The following LINGO2 variants were observed in gnomAD, a reference collection of about 807,000 sequenced individuals.
LINGO2 encodes leucine-rich repeat and immunoglobulin-like domain-containing nogo receptor-interacting protein 2.
Under a neutral mutation model 30.6 loss-of-function variants are expected in LINGO2, and 14 were observed. The ratio of observed to expected loss-of-function variants is 0.46; its 90% CI spans 0.30 to 0.72. LINGO2 has a LOEUF of 0.72. Ranked by LOEUF, LINGO2 falls within the 30% of genes least tolerant of loss-of-function variation. The pLI, the probability that LINGO2 is intolerant of heterozygous loss-of-function variation, is 0.07. For missense variants in LINGO2, 729 were observed against 751.7 expected, an observed-to-expected ratio of 0.97 and a Z score of 0.35; for synonymous variants, 317 against 288.5, an observed-to-expected ratio of 1.10 and a Z score of -1.00.
chr9:28,809,512 G>A, the LINGO2 span, among the ~76,000 whole-genome samples: 2 of 152,136 alleles, frequency 1.3e-5, no homozygotes, highest in South Asian at 2.1e-4. Context: ...TTGGGAGGCC[G>A]AGGCAGACGG....
intron 4 of LINGO2, among the ~76,000 whole-genome samples, chr9:28,032,040 G>T (rs1161237127): frequency 7.2e-6 from 1 of 139,554 alleles, no homozygotes; most frequent in Admixed American, 6.9e-5. Flanking sequence ...AAAATGAGGG[G>T]TGGGGGGGGA....
chr9:28,311,785 G>A (rs541827519), intron 3 of LINGO2, among the ~76,000 whole-genome samples: 1 of 152,166 alleles, frequency 6.6e-6, no homozygotes, highest in South Asian at 2.1e-4. Flanking sequence ...AGGTCCTGAG[G>A]CAACATACAT....
At chr9:28,860,350 G>A in the LINGO2 span, among the ~76,000 whole-genome samples, 1 of 152,026 alleles carries the variant, frequency 6.6e-6, no homozygotes, top group African/African-American at 2.4e-5. Context: ...CCTCTATAAT[G>A]TGGGTAGGCC....
chr9:28,402,065 G>C (rs1822292263), intron 2 of LINGO2, among the ~76,000 whole-genome samples: 1 of 151,948 alleles, frequency 6.6e-6, no homozygotes, highest in Non-Finnish European at 1.5e-5. Flanking sequence ...TAGCTTTTTG[G>C]CATTTAAGTG....
chr9:28,375,315 G>A (rs1157283658), intron 2 of LINGO2, among the ~76,000 whole-genome samples: 1 of 152,208 alleles, frequency 6.6e-6, no homozygotes, highest in African/African-American at 2.4e-5. Flanking sequence ...CAGCCTGCTA[G>A]TCAGTAGTAA....
the LINGO2 span, among the ~76,000 whole-genome samples, chr9:28,839,879 G>T: frequency 6.6e-6 from 1 of 152,132 alleles, no homozygotes; most frequent in South Asian, 2.1e-4. Context: ...AATGCTGAGG[G>T]GTGCCTGCAG....
At chr9:28,603,672 G>T in intron 1 of LINGO2, among the ~76,000 whole-genome samples, 1 of 152,126 alleles carries the variant, frequency 6.6e-6, no homozygotes, top group Non-Finnish European at 1.5e-5. Context: ...ATCACATTAA[G>T]AATAAAATTG....
At chr9:28,215,270 CA>C (rs1234019730) in intron 4 of LINGO2, among the ~76,000 whole-genome samples, 1 of 151,584 alleles carries the variant, frequency 6.6e-6, no homozygotes, top group Non-Finnish European at 1.5e-5. Context: ...ACAGAGAGGT[CA>C]AAAGTTTACA....
At chr9:29,031,526 G>A in the LINGO2 span, among the ~76,000 whole-genome samples, 1 of 151,808 alleles carries the variant, frequency 6.6e-6, no homozygotes. Context: ...CAAGTGATCT[G>A]CCCACCTCTG....
At chr9:28,568,147 C>T (rs756767780) in intron 1 of LINGO2, among the ~76,000 whole-genome samples, 1 of 152,036 alleles carries the variant, frequency 6.6e-6, no homozygotes, top group Non-Finnish European at 1.5e-5. Flanking sequence ...GATGACAGTA[C>T]CTTTGTGGAA....
At chr9:28,017,868 A>T (rs938567009) in intron 4 of LINGO2, among the ~76,000 whole-genome samples, 1 of 152,180 alleles carries the variant, frequency 6.6e-6, no homozygotes, top group African/African-American at 2.4e-5. Context: ...TAAAATTCAT[A>T]TGGAAACAAA....
intron 4 of LINGO2, among the ~76,000 whole-genome samples, chr9:28,013,045 T>C (rs1041237917): frequency 1.3e-5 from 2 of 152,160 alleles, no homozygotes; most frequent in African/African-American, 4.8e-5. Context: ...GGTCTAGGGT[T>C]AGCATGTTGA....
chr9:28,819,870 G>A, the LINGO2 span, among the ~76,000 whole-genome samples: 1 of 151,934 alleles, frequency 6.6e-6, no homozygotes, highest in Non-Finnish European at 1.5e-5. Context: ...TTCTACTCTT[G>A]GTAAACTCTC....
At chr9:28,060,981 A>G (rs1399246433) in intron 4 of LINGO2, among the ~76,000 whole-genome samples, 1 of 152,006 alleles carries the variant, frequency 6.6e-6, no homozygotes, top group East Asian at 1.9e-4. Context: ...CCCATTTTTT[A>G]GAGAGGCTTT....
chr9:28,941,601 C>T, the LINGO2 span, among the ~76,000 whole-genome samples: 2 of 152,084 alleles, frequency 1.3e-5, no homozygotes, highest in Non-Finnish European at 2.9e-5. Flanking sequence ...AGAATAAATC[C>T]TCCACTCACT....
chr9:28,551,750 G>A (rs1373641295), intron 1 of LINGO2, among the ~76,000 whole-genome samples: 1 of 151,980 alleles, frequency 6.6e-6, no homozygotes, highest in African/African-American at 2.4e-5. Flanking sequence ...TTTAGACACT[G>A]TATATTGACA....
At chr9:28,365,767 T>A (rs1295551940) in intron 3 of LINGO2, among the ~76,000 whole-genome samples, 3 of 750 alleles carry the variant, frequency 4.0e-3, no homozygotes, top group Non-Finnish European at 0.017. Context: ...TGGATCCTCT[T>A]TTTTTTTTTT....
chr9:28,327,302 C>A (rs1825265424), intron 3 of LINGO2, among the ~76,000 whole-genome samples: 1 of 152,132 alleles, frequency 6.6e-6, no homozygotes, highest in Non-Finnish European at 1.5e-5. Context: ...AGAAAGTCTG[C>A]TACCATCATT....
intron 3 of LINGO2, among the ~76,000 whole-genome samples, chr9:28,297,774 C>T (rs1248143921): frequency 6.6e-6 from 1 of 152,110 alleles, no homozygotes; most frequent in Non-Finnish European, 1.5e-5. Flanking sequence ...TCAGATAATC[C>T]AACCAATTAG....
Sources: gnomAD v4.1 joint callset for allele counts (sites outside exome capture counted in the v4.1 genomes callset) on GRCh38, gnomAD v4.1.1 for gene constraint, MANE v1.5 for transcripts, NCBI Gene and HGNC (gene_info 2026-07-23, HGNC 2026-07-21) for gene names.